GRM7: variants seen among roughly 807,000 people sequenced by gnomAD.
The protein encoded by GRM7 is metabotropic glutamate receptor 7.
A neutral mutation model predicts 84.5 loss-of-function variants in GRM7; 35 were observed. That is an observed-to-expected ratio of 0.41 (90% CI 0.32 to 0.55). The LOEUF is 0.55. GRM7 is among the 20% of genes least tolerant of loss of function. GRM7 has a pLI of 0.19. For missense variants in GRM7, 1,003 were observed against 1,194.6 expected (o/e 0.84, Z 2.36); for synonymous variants, 487 against 455.1 (o/e 1.07, Z -0.89).
intron 7 of GRM7, among the ~76,000 whole-genome samples, chr3:7,512,747 C>T (rs1221726713): frequency 2.0e-5 from 3 of 151,922 alleles, no homozygotes; most frequent in East Asian, 3.9e-4. Flanking sequence ...TTTATCCAAC[C>T]TGGAGGACAC....
intron 2 of GRM7, among the ~76,000 whole-genome samples, chr3:7,232,381 A>C (rs148228064): frequency 1.7e-3 from 262 of 152,316 alleles, no homozygotes; most frequent in African/African-American, 5.6e-3. Flanking sequence ...GAGATACCAT[A>C]AAGAGCTGGA....
At chr3:7,303,212 T>A (rs1700070726) in intron 3 of GRM7, among the ~76,000 whole-genome samples, 1 of 152,148 alleles carries the variant, frequency 6.6e-6, no homozygotes, top group African/African-American at 2.4e-5. Flanking sequence ...AGTACTGGGA[T>A]TACAGGCGTG....
intron 8 of GRM7, among the ~76,000 whole-genome samples, chr3:7,638,585 G>C (rs1698213620): frequency 6.6e-6 from 1 of 152,204 alleles, no homozygotes; most frequent in African/African-American, 2.4e-5. Flanking sequence ...AATGAAAAAT[G>C]GATCTAGTGT....
intron 4 of GRM7, among the ~76,000 whole-genome samples, chr3:7,354,429 G>C (rs1290512843): frequency 6.6e-6 from 1 of 152,122 alleles, no homozygotes; most frequent in Admixed American, 6.6e-5. Flanking sequence ...GAGTGGAATA[G>C]ATGTTCTTAG....
intron 1 of GRM7, among the ~76,000 whole-genome samples, chr3:6,915,368 C>T (rs188483469): frequency 6.6e-6 from 1 of 152,146 alleles, no homozygotes; most frequent in Admixed American, 6.5e-5. Flanking sequence ...CATGTTGTAC[C>T]TTGGAGATGA....
intron 9 of GRM7, among the ~76,000 whole-genome samples, chr3:7,704,094 T>A (rs13099271): frequency 0.42 from 63,427 of 151,956 alleles, 13,473 homozygotes; most frequent in East Asian, 0.68. Context: ...ATATAAAACA[T>A]GATAACATTG....
intron 1 of GRM7, among the ~76,000 whole-genome samples, chr3:6,959,830 G>T (rs532845107): frequency 1.3e-5 from 2 of 152,208 alleles, no homozygotes; most frequent in African/African-American, 4.8e-5. Context: ...TTAAAATGTG[G>T]TGTCTCTACT....
At chr3:7,538,731 C>T (rs1318834274) in intron 7 of GRM7, among the ~76,000 whole-genome samples, 1 of 152,144 alleles carries the variant, frequency 6.6e-6, no homozygotes, top group Admixed American at 6.5e-5. Context: ...GCATGTACAA[C>T]TAAACACAGT....
intron 1 of GRM7, among the ~76,000 whole-genome samples, chr3:7,097,067 A>G (rs373330459): frequency 2.6e-5 from 4 of 152,134 alleles, no homozygotes; most frequent in East Asian, 3.9e-4. Context: ...AGTCTGGGGC[A>G]CAATTTAGTT....
intron 8 of GRM7, among the ~76,000 whole-genome samples, chr3:7,587,320 A>T (rs913559815): frequency 2.0e-5 from 3 of 152,200 alleles, no homozygotes; most frequent in African/African-American, 7.2e-5. Context: ...TAGAGTAAGT[A>T]AAGCTCTTTA....
At chr3:7,452,572 G>A (rs1222997102) in intron 5 of GRM7, 35 bp from the exon 6 acceptor site, 3 of 1,281,234 alleles carry the variant, frequency 2.3e-6, no homozygotes, top group Non-Finnish European at 3.4e-6. Flanking sequence ...GTGTGTGTGT[G>A]TGTGTGTGTG....
chr3:7,334,782 G>C (rs1382980230), intron 4 of GRM7, among the ~76,000 whole-genome samples: 2 of 152,042 alleles, frequency 1.3e-5, no homozygotes, highest in Non-Finnish European at 2.9e-5. Context: ...TCTTATATCA[G>C]ACAAAACAAA....
intron 1 of GRM7, among the ~76,000 whole-genome samples, chr3:6,929,561 G>A (rs1575027356): frequency 6.6e-6 from 1 of 152,222 alleles, no homozygotes; most frequent in Middle Eastern, 3.4e-3. Context: ...CAAGAGAATA[G>A]AATTATGTCT....
intron 1 of GRM7, among the ~76,000 whole-genome samples, chr3:7,088,813 G>A (rs964237296): frequency 6.6e-6 from 1 of 150,838 alleles, no homozygotes; most frequent in Non-Finnish European, 1.5e-5. Flanking sequence ...GTGGAGGAAC[G>A]CATAAAGCAT....
At chr3:7,093,485 C>G (rs1301249933) in intron 1 of GRM7, among the ~76,000 whole-genome samples, 1 of 151,418 alleles carries the variant, frequency 6.6e-6, no homozygotes, top group Non-Finnish European at 1.5e-5. Context: ...CGAGACCAGC[C>G]TGTCCAATAT....
chr3:7,237,636 A>T (rs1697393664), intron 2 of GRM7, among the ~76,000 whole-genome samples: 1 of 152,132 alleles, frequency 6.6e-6, no homozygotes, highest in Non-Finnish European at 1.5e-5. Context: ...CTTTGCAGTG[A>T]GTGTTACAGC....
chr3:7,423,901 T>C (rs977316743), intron 5 of GRM7, among the ~76,000 whole-genome samples: 17 of 152,276 alleles, frequency 1.1e-4, no homozygotes, highest in African/African-American at 3.4e-4. Flanking sequence ...AAATAGTATT[T>C]ATTGTTTACC....
At chr3:7,644,790 C>G (rs1409149159) in intron 8 of GRM7, among the ~76,000 whole-genome samples, 1 of 152,164 alleles carries the variant, frequency 6.6e-6, no homozygotes, top group Non-Finnish European at 1.5e-5. Flanking sequence ...CTTTGGTAAT[C>G]TACAGTCTTA....
chr3:7,446,222 C>G, intron 5 of GRM7, among the ~76,000 whole-genome samples: 1 of 152,224 alleles, frequency 6.6e-6, no homozygotes, highest in East Asian at 1.9e-4. Flanking sequence ...TCAGACTTTC[C>G]AAAGCAAATC....
Sources: gnomAD v4.1 joint callset for allele counts (sites outside exome capture counted in the v4.1 genomes callset) on GRCh38, gnomAD v4.1.1 for gene constraint, MANE v1.5 for transcripts, NCBI Gene and HGNC (gene_info 2026-07-23, HGNC 2026-07-21) for gene names.